Variants in NYAP2 observed in about 807,000 individuals in gnomAD.
The protein encoded by NYAP2 is neuronal tyrosine-phosphorylated phosphoinositide-3-kinase adaptor 2.
Under a neutral mutation model 50.4 loss-of-function variants are expected in NYAP2, and 23 were observed. The observed-to-expected ratio is 0.46, with a 90% CI of 0.33 to 0.65. The LOEUF (loss-of-function observed/expected upper bound fraction) is 0.65. Ranked by LOEUF, NYAP2 falls within the 30% of genes least tolerant of loss-of-function variation. The pLI is 0.02. For missense variants in NYAP2, 885 were observed against 861.0 expected, an observed-to-expected ratio of 1.03 and a Z score of -0.35; for synonymous variants, 394 against 365.2, an observed-to-expected ratio of 1.08 and a Z score of -0.90.
At chr2:225,520,954 A>G (rs1349979031) in intron 4 of NYAP2, among the ~76,000 whole-genome samples, 1 of 150,956 alleles carries the variant, frequency 6.6e-6, no homozygotes, top group Non-Finnish European at 1.5e-5. Context: ...TTCATTGAGC[A>G]GTGGTTTGTA....
intron 6 of NYAP2, among the ~76,000 whole-genome samples, chr2:225,647,294 A>G (rs1202950203): frequency 3.3e-5 from 5 of 152,214 alleles, no homozygotes; most frequent in Non-Finnish European, 4.4e-5. Context: ...ATAATAAAGG[A>G]TGATTCCTTA....
rs1335709359 is a variant in NYAP2 at position 225,513,498 on chromosome 2, A to C, written c.349A>C (p.Arg117=). The change falls in exon 4 of 7, where the codon AGA becomes CGA. Residue 117 remains arginine, a synonymous_variant. Transcript: ENST00000636099. The stretch of plus-strand genomic sequence containing the variant: ...TCCTTGCTCCAGTGGCTTTTCTGTG[A>C]GATCACAGTCCCTGCACTCGGTTGG... 7 of 1,613,832 alleles carry C rather than the reference A, an allele frequency of 4.3e-6. No individual in the cohort carries two copies. The African/African-American group carries it at 6.7e-5, about 15-fold the overall frequency.
intron 3 of NYAP2, among the ~76,000 whole-genome samples, chr2:225,469,836 A>C (rs1170636225): frequency 6.6e-6 from 1 of 151,766 alleles, no homozygotes; most frequent in Non-Finnish European, 1.5e-5. Context: ...AACATCACAC[A>C]CTGTGACCTG....
intron 3 of NYAP2, among the ~76,000 whole-genome samples, chr2:225,503,021 C>T (rs1212697846): frequency 6.6e-6 from 1 of 152,136 alleles, no homozygotes; most frequent in South Asian, 2.1e-4. Context: ...ATACTTTAAA[C>T]TGGCATTAAG....
chr2:225,655,921 CACACACAT>C (rs772830722), downstream of NYAP2, among the ~76,000 whole-genome samples: 10,525 of 122,788 alleles, frequency 0.086, 453 homozygotes, highest in East Asian at 0.24. Flanking sequence ...CACACACACA[CACACACAT>C]ACACACATAC....
At chr2:225,429,581 CA>C (rs1487582572) in intron 3 of NYAP2, among the ~76,000 whole-genome samples, 2 of 151,868 alleles carry the variant, frequency 1.3e-5, no homozygotes, top group Non-Finnish European at 2.9e-5. Flanking sequence ...TTTTGCATAG[CA>C]AAAGAGAAAA....
intron 3 of NYAP2, among the ~76,000 whole-genome samples, chr2:225,436,537 C>A (rs544686302): frequency 6.6e-6 from 1 of 152,262 alleles, no homozygotes; most frequent in Non-Finnish European, 1.5e-5. Flanking sequence ...GGCCTACCCT[C>A]TTCTAGTATG....
intron 3 of NYAP2, among the ~76,000 whole-genome samples, chr2:225,466,302 T>G (rs1689917346): frequency 6.6e-6 from 1 of 152,250 alleles, no homozygotes. Context: ...TTGCTTTTGT[T>G]CATTTTCTGT....
At chr2:225,476,823 G>A (rs1690116437) in intron 3 of NYAP2, among the ~76,000 whole-genome samples, 1 of 152,062 alleles carries the variant, frequency 6.6e-6, no homozygotes, top group African/African-American at 2.4e-5. Flanking sequence ...ATAGTAAAAT[G>A]AATATAATAA....
At chr2:225,495,195 A>C (rs1479001449) in intron 3 of NYAP2, among the ~76,000 whole-genome samples, 1 of 152,170 alleles carries the variant, frequency 6.6e-6, no homozygotes, top group Non-Finnish European at 1.5e-5. Flanking sequence ...AACAGCACTG[A>C]TTGCCTTTCT....
intron 4 of NYAP2, among the ~76,000 whole-genome samples, chr2:225,565,527 T>C (rs916639784): frequency 6.6e-6 from 1 of 152,188 alleles, no homozygotes; most frequent in South Asian, 2.1e-4. Flanking sequence ...TCTTTGGTAT[T>C]GGCAGCATTA....
intron 5 of NYAP2, among the ~76,000 whole-genome samples, chr2:225,620,971 G>A (rs576347664): frequency 1.4e-4 from 21 of 152,092 alleles, no homozygotes; most frequent in African/African-American, 4.6e-4. Flanking sequence ...AAAATTAGCC[G>A]GGCATGGTGG....
At chr2:225,513,719 T>G (rs772516824) in intron 4 of NYAP2, 47 bp downstream of exon 4, 1 of 1,445,944 alleles carries the variant, frequency 6.9e-7, no homozygotes, top group Non-Finnish European at 9.2e-7. Flanking sequence ...TTTCAGATAG[T>G]ATGTTCAGGT....
At chr2:225,457,836 A>G (rs1689763332) in intron 3 of NYAP2, among the ~76,000 whole-genome samples, 1 of 152,248 alleles carries the variant, frequency 6.6e-6, no homozygotes, top group South Asian at 2.1e-4. Context: ...TGTATTAAAC[A>G]TCATGAGAGG....
At chr2:225,523,456 A>G (rs1021983811) in intron 4 of NYAP2, among the ~76,000 whole-genome samples, 1 of 152,084 alleles carries the variant, frequency 6.6e-6, no homozygotes, top group African/African-American at 2.4e-5. Flanking sequence ...CCAATTCAAA[A>G]AGTCAATCCC....
chr2:225,539,909 T>C (rs1252662641), intron 4 of NYAP2, among the ~76,000 whole-genome samples: 1 of 152,198 alleles, frequency 6.6e-6, no homozygotes, highest in Non-Finnish European at 1.5e-5. Flanking sequence ...GCTTTGCTGC[T>C]TAGAAATTTC....
chr2:225,497,404 G>C (rs1328337944), intron 3 of NYAP2, among the ~76,000 whole-genome samples: 1 of 152,138 alleles, frequency 6.6e-6, no homozygotes, highest in Non-Finnish European at 1.5e-5. Flanking sequence ...ATGTCACTCC[G>C]GTTACATGAA....
Position 225,531,999 on chromosome 2 carries a change from C to T in NYAP2, c.523+18327C>T, listed in dbSNP as rs188439497. On this transcript the variant is annotated intron_variant, in intron 4 of 6. Coordinates refer to ENST00000636099, the Ensembl canonical transcript of NYAP2. ...CAAATAATATAAATCAAAGAATGTT[C>T]AGCTTGTGCCATTTATATAAGGTTA... Among the ~76,000 whole-genome samples, 38 of 152,302 alleles carry T rather than the reference C, an allele frequency of 2.5e-4. No individual in the cohort carries two copies. The East Asian group carries it at 7.3e-3, about 29-fold the overall frequency.
At chr2:225,530,681 A>G (rs991970014) in intron 4 of NYAP2, among the ~76,000 whole-genome samples, 1 of 152,198 alleles carries the variant, frequency 6.6e-6, no homozygotes, top group Non-Finnish European at 1.5e-5. Context: ...TGAATTCCAC[A>G]TTATCTCCAG....
Sources: allele counts gnomAD v4.1 joint callset (sites outside exome capture counted in the v4.1 genomes callset), GRCh38; gene constraint gnomAD v4.1.1; transcripts MANE v1.5; gene names NCBI Gene and HGNC (gene_info 2026-07-23, HGNC 2026-07-21).